SLC19A1: variants seen among roughly 807,000 people sequenced by gnomAD.
SLC19A1 encodes reduced folate transporter.
A neutral mutation model predicts 35.3 loss-of-function variants in SLC19A1; 37 were observed. That is an observed-to-expected ratio of 1.05 (90% CI 0.81 to 1.38). SLC19A1 has a LOEUF of 1.38. Ranked by LOEUF, SLC19A1 falls within the 40% of genes most tolerant of loss-of-function variation. The pLI, the probability that SLC19A1 is intolerant of heterozygous loss-of-function variation, is 0.00. For synonymous variants in SLC19A1, 460 were observed against 398.5 expected (o/e 1.15, Z -1.84); for missense variants, 831 against 826.9 (o/e 1.00, Z -0.06).
At position 45,534,797 on chromosome 21, in the gene SLC19A1, G is replaced by C. The variant is rs972514593; in HGVS notation, c.190-2649C>G. On this transcript the variant is annotated intron_variant, in intron 2 of 5. Transcript: ENST00000311124. The surrounding 1 kb of genome is among the most constrained non-coding windows in gnomAD (Gnocchi z 4.2). ...GCGTCCCACTTACAAGGCTGCTGGGGGAGGGGCCCTCACAACGGTCCCAGC... is the reference window on the plus strand; with the variant it reads ...GCGTCCCACTTACAAGGCTGCTGGGCGAGGGGCCCTCACAACGGTCCCAGC... 1 of 586,468 alleles carries C rather than the reference G, an allele frequency of 1.7e-6. No homozygotes were observed. Among genetic ancestry groups the C allele is most frequent in the Non-Finnish European group, 3.0e-6 (1 of 329,848 alleles). 36.3% of individuals were successfully genotyped at this position (586,468 alleles called of 1,614,324 possible).
At chr21:45,504,077 T>TGG in intron 3 of SLC19A1, 1 of 1,613,242 alleles carries the variant, frequency 6.2e-7, no homozygotes, top group Non-Finnish European at 8.5e-7. Flanking sequence ...CCTGTGGGGT[T>TGG]GGGGGCCCCC....
Position 45,531,747 on chromosome 21 carries a change from C to G in SLC19A1, c.591G>C (p.Val197=). 1 of 1,612,280 alleles carries G rather than the reference C, an allele frequency of 6.2e-7. No individual in the cohort carries two copies. Among genetic ancestry groups the G allele is most frequent in the South Asian group, 1.1e-5 (1 of 90,942 alleles). ...GGCGCTTCAGGAAGAGGGCGAGGAC[C>G]ACGCTGAAGGTGAGGAAGGCCAGCG... is the stretch of plus-strand genomic sequence containing the variant. ...YISLAFLTFS[V]VLALFLKRPK... The change falls in exon 3 of 6, where the codon GTG becomes GTC. Residue 197 remains valine (V), a synonymous_variant. Transcript: ENST00000311124.
At chr21:45,512,513 T>C (rs2146155505), downstream of SLC19A1, 1 of 913,812 alleles carries the variant, frequency 1.1e-6, no homozygotes, top group East Asian at 2.6e-5. Context: ...CATACTTTCC[T>C]GTATAGTTCA....
At chr21:45,528,342 A>T (rs1342174721) in intron 4 of SLC19A1, among the ~76,000 whole-genome samples, 1 of 152,108 alleles carries the variant, frequency 6.6e-6, no homozygotes, top group Non-Finnish European at 1.5e-5. Context: ...GGCACAGGTG[A>T]TTGAAAATAC....
rs1197403306 is a variant in SLC19A1, at chr21:45,534,358, G to A, written c.190-2210C>T. 1.3e-5 allele frequency among the ~76,000 whole-genome samples: 2 copies of A among 152,144 alleles called. No homozygotes were observed. Among genetic ancestry groups the A allele is most frequent in the African/African-American group, 2.4e-5 (1 of 41,434 alleles). ...GCAGGGGTCCTCCTAGGACCTCAGGGACCCCCGACCCCCAGACACAGGAGG... is the reference window on the plus strand; with the variant it reads ...GCAGGGGTCCTCCTAGGACCTCAGGAACCCCCGACCCCCAGACACAGGAGG... On this transcript the variant is annotated intron_variant, in intron 2 of 5. Coordinates refer to ENST00000311124, the MANE Select transcript of SLC19A1 (RefSeq NM_194255.4). This position sits in a 1 kb window ranked among gnomAD's most constrained non-coding sequence, Gnocchi z 4.2.
rs1323850945 is a variant in SLC19A1 at position 45,512,906 on chromosome 21, A to AGAT, written c.*2749_*2751dup. 2 of 196,976 alleles carry AGAT rather than the reference A, an allele frequency of 1.0e-5. No individual in the cohort carries two copies. The highest frequency in any genetic ancestry group is 1.3e-4 in the East Asian group (1 of 7,470). The allele number at this position is 196,976 out of a possible 1,614,324, so 12.2% of individuals were successfully genotyped here. A position where few individuals can be genotyped will look rare whatever the true frequency, so the allele number is the denominator to read the frequency against. ...CCAGGGTGTGTGCTCGCCCTGCGGT[A>AGAT]GATGGGAGGGAGGCTCAGGTCCCTG... On this transcript the variant is annotated 3_prime_UTR_variant, in exon 6 of 6. Transcript: ENST00000311124.
chr21:45,508,147 G>C (rs1403683167), downstream of SLC19A1, among the ~76,000 whole-genome samples: 4 of 150,776 alleles, frequency 2.7e-5, no homozygotes, highest in Non-Finnish European at 5.9e-5. Context: ...GGATGGAAAG[G>C]TGGGTGAGTG....
chr21:45,534,125 C>A lies in SLC19A1; in HGVS notation c.190-1977G>T, dbSNP rs1002686254. ...GGACACTCTGAGGGCAGGTTATGTG[C>A]CAGGAGGCTGAGTGAGCCCGCCGGG... is the stretch of plus-strand genomic sequence containing the variant. On this transcript the variant is annotated intron_variant, in intron 2 of 5. Coordinates refer to ENST00000311124, the MANE Select transcript of SLC19A1 (RefSeq NM_194255.4). This position sits in a 1 kb window ranked among gnomAD's most constrained non-coding sequence, Gnocchi z 4.2. Among the ~76,000 whole-genome samples, 4 of 152,200 alleles carry A rather than the reference C, an allele frequency of 2.6e-5. No homozygotes were observed. The East Asian group carries it at 5.8e-4, about 22-fold the overall frequency.
At chr21:45,511,714 G>A (rs1187568277), downstream of SLC19A1, among the ~76,000 whole-genome samples, 1 of 152,172 alleles carries the variant, frequency 6.6e-6, no homozygotes, top group Non-Finnish European at 1.5e-5. Flanking sequence ...GCATTTAGGG[G>A]TGTCTCGGGG....
In SLC19A1 at chr21:45,515,810, T is replaced by C; in HGVS notation, c.1624A>G (p.Thr542Ala). The change falls in exon 6 of 6, where the codon ACC becomes GCC. Residue 542 changes from threonine to alanine, a missense_variant. By Grantham distance (58) the Thr-to-Ala change is moderately conservative. Coordinates refer to ENST00000311124, the MANE Select transcript of SLC19A1 (RefSeq NM_194255.4). ...GAGCACAGAGTGCAGGGGGAAGGGG[T>C]TGTCACTGGGCTCAGGAATTCAGCT... is the stretch of plus-strand genomic sequence containing the variant. ...QAAEFLSPVT[T>A]PSPCTLCSAQ... The C allele has an allele frequency of 6.2e-7, 1 of 1,610,994 alleles. No individual in the cohort carries two copies. Among genetic ancestry groups the C allele is most frequent in the Non-Finnish European group, 8.5e-7 (1 of 1,178,150 alleles).
chr21:45,511,262 C>T, downstream of SLC19A1: 2 of 1,227,852 alleles, frequency 1.6e-6, no homozygotes, highest in African/African-American at 1.5e-5. Flanking sequence ...GCTCTGAGAG[C>T]CCCAGCCAGG....
upstream of SLC19A1, chr21:45,542,489 G>C (rs940482943): frequency 8.0e-5 from 12 of 150,902 alleles, no homozygotes; most frequent in African/African-American, 2.9e-4. Context: ...GGGCGGGTCC[G>C]TCCCGCCGAA....
intron 5 of SLC19A1, among the ~76,000 whole-genome samples, chr21:45,518,789 A>G (rs1342858394): frequency 2.6e-5 from 4 of 152,206 alleles, no homozygotes; most frequent in Admixed American, 2.6e-4. Flanking sequence ...AAGAGCAATC[A>G]AGACACTCAC....
chr21:45,534,746 G>T lies in SLC19A1; in HGVS notation c.190-2598C>A, dbSNP rs1198057039. The T allele has an allele frequency of 2.9e-6, 2 of 693,948 alleles. No individual in the cohort carries two copies. The highest frequency in any genetic ancestry group is 2.5e-5 in the Admixed American group (1 of 40,454). The allele number at this position is 693,948 out of a possible 1,614,324, so 43.0% of individuals were successfully genotyped here. On this transcript the variant is annotated intron_variant, in intron 2 of 5. Transcript: ENST00000311124. The surrounding 1 kb of genome is among the most constrained non-coding windows in gnomAD (Gnocchi z 4.2). ...CTCAGCCTTGGCAGGCAGACAGCAG[G>T]GAGGCTCTGCCCAGAGCTGTGACCT...
At position 45,540,912 on chromosome 21, in the gene SLC19A1, G is replaced by T. The variant is rs557424397; in HGVS notation, c.-50+1456C>A. On this transcript the variant is annotated intron_variant, in intron 1 of 5. Transcript: ENST00000311124. The surrounding 1 kb of genome is among the most constrained non-coding windows in gnomAD (Gnocchi z 5.5). ...AAGCACCAGAGAAGGCCAGAGACCC[G>T]CAATCAAAACACAAGCAAACGCCAC... Among the ~76,000 whole-genome samples, 2 of 152,136 alleles carry T rather than the reference G, an allele frequency of 1.3e-5. No individual in the cohort carries two copies. The highest frequency in any genetic ancestry group is 2.1e-4 in the South Asian group (1 of 4,822).
At chr21:45,542,448 A>G (rs1461449458), upstream of SLC19A1, 1 of 150,882 alleles carries the variant, frequency 6.6e-6, no homozygotes, top group Non-Finnish European at 1.5e-5. Context: ...AGCGCCCACA[A>G]GGCGGCGCGG....
chr21:45,546,879 T>A (rs192447751), upstream of SLC19A1, among the ~76,000 whole-genome samples: 1 of 152,290 alleles, frequency 6.6e-6, no homozygotes, highest in African/African-American at 2.4e-5. Context: ...TGCATCTTGG[T>A]TGCAAGCAAG....
chr21:45,510,107 G>A (rs200484625), downstream of SLC19A1: 3,560 of 1,593,918 alleles, frequency 2.2e-3, 7 homozygotes, highest in Non-Finnish European at 2.7e-3. Context: ...GGCGGCATGC[G>A]GGGCATCCGC....
At chr21:45,542,327 C>A (rs1273957725) in intron 1 of SLC19A1, 41 bp downstream of exon 1, 1 of 151,734 alleles carries the variant, frequency 6.6e-6, no homozygotes, top group East Asian at 1.9e-4. Context: ...CACCCCGCAG[C>A]CCCCGACACG....
Sources: allele counts gnomAD v4.1 joint callset (sites outside exome capture counted in the v4.1 genomes callset), GRCh38; gene constraint gnomAD v4.1.1; non-coding constraint Gnocchi (gnomAD v3.1); transcripts MANE v1.5; gene names NCBI Gene and HGNC (gene_info 2026-07-23, HGNC 2026-07-21).